ZNF618: variants seen among roughly 807,000 people sequenced by gnomAD.
ZNF618 encodes the protein zinc finger protein 618, also known as neural precursor cell expressed, developmentally down-regulated 10.
A neutral mutation model predicts 103.0 loss-of-function variants in ZNF618; 34 were observed. The ratio of observed to expected loss-of-function variants is 0.33; its 90% CI spans 0.25 to 0.44. The LOEUF is 0.44. Ranked by LOEUF, ZNF618 falls within the 20% of genes least tolerant of loss-of-function variation. ZNF618 has a pLI of 1.00. For synonymous variants in ZNF618, 551 were observed against 542.2 expected (o/e 1.02, Z -0.23); for missense variants, 1,059 against 1,295.4 (o/e 0.82, Z 2.80).
intron 1 of ZNF618, among the ~76,000 whole-genome samples, chr9:113,944,468 G>A (rs1421517921): frequency 6.6e-6 from 1 of 152,076 alleles, no homozygotes; most frequent in African/African-American, 2.4e-5. Context: ...TCATTGAGAC[G>A]GGATTTTGCC....
intron 13 of ZNF618, among the ~76,000 whole-genome samples, chr9:114,043,485 T>C (rs749671815): frequency 1.3e-5 from 2 of 152,268 alleles, no homozygotes; most frequent in South Asian, 4.1e-4. Context: ...CAGCTAATAA[T>C]GTTGAGCATC....
intron 1 of ZNF618, among the ~76,000 whole-genome samples, chr9:113,957,722 C>T (rs1220403206): frequency 2.0e-5 from 3 of 152,074 alleles, no homozygotes; most frequent in African/African-American, 7.2e-5. Context: ...AAGCCTTGTC[C>T]CTGAATTCTG....
intron 10 of ZNF618, among the ~76,000 whole-genome samples, chr9:114,026,740 A>G (rs1843531815): frequency 6.6e-6 from 1 of 152,248 alleles, no homozygotes; most frequent in African/African-American, 2.4e-5. Flanking sequence ...GAAAAATACC[A>G]GTAATAGATA....
chr9:113,881,188 A>AT (rs1370826889), intron 1 of ZNF618, among the ~76,000 whole-genome samples: 2 of 152,000 alleles, frequency 1.3e-5, no homozygotes, highest in Non-Finnish European at 2.9e-5. Context: ...TGCCAGAGAA[A>AT]TTTTTCTGGA....
At chr9:113,912,251 C>G (rs951148059) in intron 1 of ZNF618, among the ~76,000 whole-genome samples, 1 of 152,166 alleles carries the variant, frequency 6.6e-6, no homozygotes, top group Admixed American at 6.5e-5. Context: ...CTGCCCCTGT[C>G]CCCTGAGAAC....
chr9:114,037,478 C>G (rs1844725822), intron 13 of ZNF618, among the ~76,000 whole-genome samples: 1 of 152,192 alleles, frequency 6.6e-6, no homozygotes, highest in Non-Finnish European at 1.5e-5. Flanking sequence ...GTTGGCCACT[C>G]TGCAAAGGGA....
intron 10 of ZNF618, among the ~76,000 whole-genome samples, chr9:114,027,292 A>C (rs1292511188): frequency 6.6e-6 from 1 of 152,180 alleles, no homozygotes; most frequent in Non-Finnish European, 1.5e-5. Flanking sequence ...AGCTCAGGTC[A>C]CAAGGGACAC....
rs1846385402 is a variant in ZNF618, at chr9:114,055,082, ACT to A, written c.*4918_*4919del. The A allele has an allele frequency of 6.6e-6, 1 of 151,978 alleles. No homozygotes were observed. The highest frequency in any genetic ancestry group is 1.5e-5 in the Non-Finnish European group (1 of 67,996). The allele number at this position is 151,978 out of a possible 1,614,324, so 9.4% of individuals were successfully genotyped here. ...ACCGTGCGTCCCATGGGGCACCTTG[ACT>A]CTTCAAACCAAAATTCCTTAAAGGG... On this transcript the variant is annotated 3_prime_UTR_variant, in exon 15 of 15. Coordinates refer to ENST00000374126, the MANE Select transcript of ZNF618 (RefSeq NM_001318042.2).
intron 1 of ZNF618, among the ~76,000 whole-genome samples, chr9:113,959,780 T>G (rs1202677251): frequency 6.6e-6 from 1 of 152,172 alleles, no homozygotes; most frequent in African/African-American, 2.4e-5. Context: ...GCTAATTTTT[T>G]GTATTTTTAG....
intron 2 of ZNF618, among the ~76,000 whole-genome samples, chr9:113,969,659 G>A (rs1837763649): frequency 6.6e-6 from 1 of 152,220 alleles, no homozygotes. Flanking sequence ...GGGGAGAGGG[G>A]TGGTCCCCAA....
intron 1 of ZNF618, among the ~76,000 whole-genome samples, chr9:113,899,246 C>G (rs868320447): frequency 6.6e-6 from 1 of 151,866 alleles, no homozygotes; most frequent in Admixed American, 6.6e-5. Context: ...ATCTCCAGAA[C>G]TCTTCTCATT....
At chr9:113,885,418 AATT>A (rs1263480948) in intron 1 of ZNF618, among the ~76,000 whole-genome samples, 4 of 152,216 alleles carry the variant, frequency 2.6e-5, no homozygotes, top group African/African-American at 4.8e-5. Flanking sequence ...AACTAGTACG[AATT>A]ATTAGTGCTA....
intron 13 of ZNF618, 90 bp from the exon 14 acceptor site, chr9:114,047,803 G>A (rs535660939): frequency 1.8e-6 from 2 of 1,121,842 alleles, no homozygotes; most frequent in South Asian, 2.9e-5. Context: ...GCCACATTCT[G>A]CTGTTACCCA....
Position 114,055,267 on chromosome 9 carries a change from C to T in ZNF618, c.*5100C>T, listed in dbSNP as rs1196494498. ...CCGGTCTCCGCCTAGGACCTTCCCT[C>T]CCGCCCAGCCAGGGTGGGCGGCATC... On this transcript the variant is annotated 3_prime_UTR_variant, in exon 15 of 15. Coordinates refer to ENST00000374126, the MANE Select transcript of ZNF618 (RefSeq NM_001318042.2). The T allele has an allele frequency of 6.6e-6, 1 of 152,322 alleles. No homozygotes were observed. The highest frequency in any genetic ancestry group is 2.4e-5 in the African/African-American group (1 of 41,420). 9.4% of individuals were successfully genotyped at this position (152,322 alleles called of 1,614,324 possible). A position where few individuals can be genotyped will look rare whatever the true frequency, so the allele number is the denominator to read the frequency against.
chr9:113,884,810 G>C (rs1011028174), intron 1 of ZNF618, among the ~76,000 whole-genome samples: 6 of 149,514 alleles, frequency 4.0e-5, no homozygotes, highest in Non-Finnish European at 5.9e-5. Flanking sequence ...GAGAGAGAGA[G>C]AGACAGAGAA....
intron 1 of ZNF618, among the ~76,000 whole-genome samples, chr9:113,894,419 C>T (rs185682433): frequency 8.5e-5 from 13 of 152,246 alleles, no homozygotes; most frequent in Middle Eastern, 6.8e-3. Context: ...GAAAGTTCAG[C>T]GCTCTCAGAC....
chr9:113,999,378 G>A (rs142072287), intron 4 of ZNF618, among the ~76,000 whole-genome samples: 2 of 152,188 alleles, frequency 1.3e-5, no homozygotes, highest in Non-Finnish European at 2.9e-5. Context: ...AGGCGCAGGC[G>A]GGGCCCTGGG....
intron 2 of ZNF618, among the ~76,000 whole-genome samples, chr9:113,969,777 A>G (rs1001845571): frequency 2.6e-5 from 4 of 152,204 alleles, no homozygotes; most frequent in Non-Finnish European, 5.9e-5. Context: ...GTTAACACCC[A>G]TGCTGCCGCT....
chr9:113,988,924 G>T (rs1384142356), intron 3 of ZNF618, among the ~76,000 whole-genome samples: 3 of 151,726 alleles, frequency 2.0e-5, no homozygotes, highest in Non-Finnish European at 4.4e-5. Context: ...CTTACTGCTC[G>T]GTGTCCTAAA....
Sources: gnomAD v4.1 joint callset for allele counts (sites outside exome capture counted in the v4.1 genomes callset) on GRCh38, gnomAD v4.1.1 for gene constraint, MANE v1.5 for transcripts, NCBI Gene and HGNC (gene_info 2026-07-23, HGNC 2026-07-21) for gene names.